Variants in PTPRD observed in about 807,000 individuals in gnomAD.
PTPRD encodes the protein protein tyrosine phosphatase receptor type D.
Under a neutral mutation model 214.5 loss-of-function variants are expected in PTPRD, and 34 were observed. The observed-to-expected ratio is 0.16, with a 90% CI of 0.12 to 0.21. The LOEUF is 0.21. Among genes scored for constraint, PTPRD ranks in the 10% least tolerant of loss-of-function variants. PTPRD has a pLI of 1.00. For synonymous variants in PTPRD, 1,128 were observed against 845.7 expected (o/e 1.33, Z -5.79); for missense variants, 2,545 against 2,398.7 (o/e 1.06, Z -1.27).
chr9:9,153,434 AT>A (rs986525505), intron 10 of PTPRD, among the ~76,000 whole-genome samples: 26 of 152,068 alleles, frequency 1.7e-4, no homozygotes, highest in Non-Finnish European at 3.1e-4. Context: ...TAAATAACAT[AT>A]TTTTTCTTCT....
chr9:9,898,462 T>C (rs2075594956), intron 5 of PTPRD, among the ~76,000 whole-genome samples: 1 of 151,852 alleles, frequency 6.6e-6, no homozygotes, highest in Non-Finnish European at 1.5e-5. Context: ...TCATGTTTTA[T>C]TGACATTTTA....
chr9:9,189,770 T>C (rs1282636181), intron 9 of PTPRD, among the ~76,000 whole-genome samples: 1 of 152,100 alleles, frequency 6.6e-6, no homozygotes, highest in African/African-American at 2.4e-5. Flanking sequence ...TTTATTATTT[T>C]GCTATGCACT....
chr9:9,796,330 G>A (rs1292749240), intron 5 of PTPRD, among the ~76,000 whole-genome samples: 1 of 152,134 alleles, frequency 6.6e-6, no homozygotes, highest in African/African-American at 2.4e-5. Flanking sequence ...ATAGAGTACT[G>A]AAAAGGATTC....
At chr9:8,527,427 T>C in intron 15 of PTPRD, 74 bp from the exon 16 acceptor site, 1 of 1,432,498 alleles carries the variant, frequency 7.0e-7, no homozygotes, top group East Asian at 2.3e-5. Flanking sequence ...TGGTACAAAT[T>C]TTTCAGAGTT....
At chr9:9,401,082 A>G (rs2070242953) in intron 8 of PTPRD, among the ~76,000 whole-genome samples, 1 of 152,054 alleles carries the variant, frequency 6.6e-6, no homozygotes, top group Admixed American at 6.6e-5. Context: ...TGTACTAGGC[A>G]GGTGGTAGGA....
chr9:10,099,452 G>A (rs750865629), intron 3 of PTPRD, among the ~76,000 whole-genome samples: 1 of 151,658 alleles, frequency 6.6e-6, no homozygotes, highest in African/African-American at 2.4e-5. Flanking sequence ...TAAATTATAC[G>A]AGTTAATATA....
chr9:9,681,751 A>G (rs1254490143), intron 7 of PTPRD, among the ~76,000 whole-genome samples: 1 of 151,792 alleles, frequency 6.6e-6, no homozygotes, highest in African/African-American at 2.4e-5. Flanking sequence ...TGAGACTAGC[A>G]GTTACTTTAA....
chr9:9,581,449 CTCTTA>C (rs1021676945), intron 7 of PTPRD, among the ~76,000 whole-genome samples: 1 of 152,102 alleles, frequency 6.6e-6, no homozygotes, highest in Admixed American at 6.6e-5. Context: ...CAACTTTGAA[CTCTTA>C]TCTTTCAAGA....
At chr9:9,011,839 G>A (rs973760166) in intron 11 of PTPRD, among the ~76,000 whole-genome samples, 2 of 152,152 alleles carry the variant, frequency 1.3e-5, no homozygotes, top group African/African-American at 2.4e-5. Flanking sequence ...GTGGCAAAGA[G>A]ACTCTAAGGT....
At chr9:9,349,451 A>C (rs1400265504) in intron 9 of PTPRD, among the ~76,000 whole-genome samples, 1 of 152,058 alleles carries the variant, frequency 6.6e-6, no homozygotes, top group Non-Finnish European at 1.5e-5. Context: ...GCCTCCCAAG[A>C]AGATTGCTGC....
At chr9:10,275,460 C>A (rs1429900853) in intron 3 of PTPRD, among the ~76,000 whole-genome samples, 3 of 151,940 alleles carry the variant, frequency 2.0e-5, no homozygotes, top group Non-Finnish European at 2.9e-5. Flanking sequence ...AATTGATGTA[C>A]TTATAAATTT....
intron 5 of PTPRD, among the ~76,000 whole-genome samples, chr9:9,863,443 G>C (rs1423880427): frequency 1.3e-5 from 2 of 152,160 alleles, no homozygotes; most frequent in South Asian, 2.1e-4. Flanking sequence ...AGTGAACGTT[G>C]AATGTGTCTG....
At chr9:9,951,956 AATAT>A (rs963595048) in intron 4 of PTPRD, among the ~76,000 whole-genome samples, 1 of 152,198 alleles carries the variant, frequency 6.6e-6, no homozygotes, top group Non-Finnish European at 1.5e-5. Context: ...CCCTGGCCCA[AATAT>A]ATATGTTGGA....
intron 2 of PTPRD, among the ~76,000 whole-genome samples, chr9:10,447,608 T>C (rs2098808813): frequency 6.6e-6 from 1 of 151,982 alleles, no homozygotes; most frequent in East Asian, 1.9e-4. Flanking sequence ...AATCATACTA[T>C]ATACAAATAT....
rs140018962 is a variant in PTPRD at position 10,088,796 on chromosome 9, C to T, written c.-544-55006G>A. Among the ~76,000 whole-genome samples, 553 of 151,764 alleles carry T rather than the reference C, an allele frequency of 3.6e-3. 24 individuals carry two copies. In the South Asian group the frequency reaches 0.1, roughly 28 times the overall value. ...AGCTGGCCAGCATAATAGCTAATCACAAAATATACTCACTAAAGTTTAGCT... is the reference window on the plus strand; with the variant it reads ...AGCTGGCCAGCATAATAGCTAATCATAAAATATACTCACTAAAGTTTAGCT... On this transcript the variant is annotated intron_variant, in intron 3 of 45. Transcript: ENST00000381196.
intron 3 of PTPRD, among the ~76,000 whole-genome samples, chr9:10,179,576 G>A (rs566346882): frequency 5.0e-4 from 76 of 152,056 alleles, no homozygotes; most frequent in African/African-American, 1.8e-3. Flanking sequence ...GGAAGTAAGT[G>A]CATATTAAAA....
At chr9:8,532,585 T>A (rs1275891296) in intron 14 of PTPRD, among the ~76,000 whole-genome samples, 1 of 152,066 alleles carries the variant, frequency 6.6e-6, no homozygotes, top group Non-Finnish European at 1.5e-5. Context: ...AAACATTTTG[T>A]CCTATTCATT....
At chr9:10,597,236 G>T (rs1428574019) in intron 2 of PTPRD, among the ~76,000 whole-genome samples, 13 of 151,492 alleles carry the variant, frequency 8.6e-5, no homozygotes. Flanking sequence ...ATGTTACTTG[G>T]TACCAAGACT....
intron 1 of PTPRD, 75 bp downstream of exon 1, chr9:10,612,613 G>A (rs2133863827): frequency 6.6e-6 from 1 of 152,436 alleles, no homozygotes; most frequent in East Asian, 1.9e-4. Flanking sequence ...CCGGAGGGAG[G>A]GGGCAAAGGA....
Sources: gnomAD v4.1 joint callset for allele counts (sites outside exome capture counted in the v4.1 genomes callset) on GRCh38, gnomAD v4.1.1 for gene constraint, MANE v1.5 for transcripts, NCBI Gene and HGNC (gene_info 2026-07-23, HGNC 2026-07-21) for gene names.